Variants in LAMC1 observed in about 807,000 individuals in gnomAD.
The protein encoded by LAMC1 is laminin subunit gamma-1.
A neutral mutation model predicts 173.6 loss-of-function variants in LAMC1; 38 were observed. That is an observed-to-expected ratio of 0.22 (90% CI 0.17 to 0.29). The LOEUF (loss-of-function observed/expected upper bound fraction) is 0.29. Ranked by LOEUF, LAMC1 falls within the 10% of genes least tolerant of loss-of-function variation. LAMC1 has a pLI of 1.00. For synonymous variants in LAMC1, 746 were observed against 749.1 expected (o/e 1.00, Z 0.07); for missense variants, 1,824 against 2,051.8 (o/e 0.89, Z 2.14).
chr1:183,136,657 C>A, intron 25 of LAMC1, 72 bp downstream of exon 25: 1 of 1,261,854 alleles, frequency 7.9e-7, no homozygotes, highest in Non-Finnish European at 1.1e-6. Context: ...TCTTTCCAGA[C>A]CCTCAGAGCC....
chr1:183,045,980 A>G (rs1282259272), intron 1 of LAMC1, among the ~76,000 whole-genome samples: 1 of 151,990 alleles, frequency 6.6e-6, no homozygotes, highest in African/African-American at 2.4e-5. Flanking sequence ...AGAATTCTTC[A>G]TATATTCTTT....
chr1:183,095,286 C>T (rs1231111023), intron 1 of LAMC1, among the ~76,000 whole-genome samples: 1 of 152,100 alleles, frequency 6.6e-6, no homozygotes, highest in East Asian at 1.9e-4. Flanking sequence ...TATTACTATA[C>T]CACCGTGACT....
chr1:183,123,093 C>T (rs917905474), intron 13 of LAMC1, among the ~76,000 whole-genome samples: 1 of 152,218 alleles, frequency 6.6e-6, no homozygotes, highest in Non-Finnish European at 1.5e-5. Flanking sequence ...CCTTTTTCTT[C>T]GACCCTTTGT....
chr1:183,064,389 G>T (rs888081317), intron 1 of LAMC1, among the ~76,000 whole-genome samples: 2 of 152,116 alleles, frequency 1.3e-5, no homozygotes, highest in African/African-American at 4.8e-5. Context: ...ATTGAATACT[G>T]GAGGCCATTG....
intron 21 of LAMC1, 107 bp downstream of exon 21, chr1:183,132,644 G>C: frequency 2.5e-6 from 2 of 807,012 alleles, no homozygotes. Context: ...CATTCATGCA[G>C]TAAGATTTCC....
In LAMC1 at chr1:183,056,822, A is replaced by G. The variant is rs1571413139; in HGVS notation, c.418+32688A>G. On this transcript the variant is annotated intron_variant, in intron 1 of 27. Coordinates refer to ENST00000258341, the MANE Select transcript of LAMC1 (RefSeq NM_002293.4). ...CCACAATAAACACCAAAACCTGGAA[A>G]TAGGAGATTATGTATGCAGACTTGT... Among the ~76,000 whole-genome samples the G allele has an allele frequency of 1.3e-5, 2 of 152,340 alleles. 1 individual carries two copies. The highest frequency in any genetic ancestry group is 4.1e-4 in the South Asian group (2 of 4,822).
chr1:183,068,562 T>C (rs1645483104), intron 1 of LAMC1, among the ~76,000 whole-genome samples: 2 of 152,316 alleles, frequency 1.3e-5, no homozygotes, highest in East Asian at 1.9e-4. Flanking sequence ...GAAGTAGATA[T>C]CAAATTATTG....
chr1:183,086,755 T>C (rs1405712664), intron 1 of LAMC1, among the ~76,000 whole-genome samples: 1 of 152,226 alleles, frequency 6.6e-6, no homozygotes, highest in Non-Finnish European at 1.5e-5. Context: ...AAAAGCATTG[T>C]AGAGGGTCAG....
intron 1 of LAMC1, among the ~76,000 whole-genome samples, chr1:183,072,957 T>C (rs1460986866): frequency 6.6e-6 from 1 of 152,220 alleles, no homozygotes; most frequent in Non-Finnish European, 1.5e-5. Context: ...GATTCTACTT[T>C]ATGGTTAGTT....
At chr1:183,062,040 C>G (rs930396071) in intron 1 of LAMC1, among the ~76,000 whole-genome samples, 1 of 152,198 alleles carries the variant, frequency 6.6e-6, no homozygotes, top group Non-Finnish European at 1.5e-5. Context: ...TAACAGAATC[C>G]TTTATCCCAT....
At chr1:183,115,397 C>T (rs1656288312) in intron 5 of LAMC1, 123 bp from the exon 6 acceptor site, 1 of 697,956 alleles carries the variant, frequency 1.4e-6, no homozygotes, top group Admixed American at 2.3e-5. Flanking sequence ...TTGTGACCAT[C>T]AGGAGATTGC....
At chr1:183,065,532 A>G (rs1211538585) in intron 1 of LAMC1, among the ~76,000 whole-genome samples, 1 of 152,146 alleles carries the variant, frequency 6.6e-6, no homozygotes, top group Non-Finnish European at 1.5e-5. Flanking sequence ...GCCCACCCAT[A>G]TTATGGATTT....
rs987246931 is a variant in LAMC1 at position 183,127,156 on chromosome 1, T to C, written c.2945-70T>C. 8 of 1,427,950 alleles carry C rather than the reference T, an allele frequency of 5.6e-6. No individual in the cohort carries two copies. In the African/African-American group the frequency reaches 8.5e-5, roughly 15 times the overall value. The allele number at this position is 1,427,950 out of a possible 1,614,324, so 88.5% of individuals were successfully genotyped here. On this transcript the variant is annotated intron_variant, in intron 16 of 27. Coordinates refer to ENST00000258341, the MANE Select transcript of LAMC1 (RefSeq NM_002293.4). ...TCAGCTTATAGTCAGCTTATTGTTA[T>C]CAGTCTGAATTAAGAGATATACTCT...
At chr1:183,055,723 A>G (rs1301766421) in intron 1 of LAMC1, among the ~76,000 whole-genome samples, 2 of 152,126 alleles carry the variant, frequency 1.3e-5, no homozygotes, top group African/African-American at 4.8e-5. Context: ...GAGGCAGGAT[A>G]ATCGCTTGAA....
chr1:183,071,091 TG>T (rs1186986242), intron 1 of LAMC1, among the ~76,000 whole-genome samples: 4 of 149,720 alleles, frequency 2.7e-5, no homozygotes, highest in Admixed American at 6.6e-5. Flanking sequence ...TTTTTGTTTT[TG>T]TTTTTTTTTT....
intron 13 of LAMC1, among the ~76,000 whole-genome samples, chr1:183,123,012 CT>C (rs1656521902): frequency 2.0e-5 from 3 of 152,334 alleles, no homozygotes; most frequent in Admixed American, 2.0e-4. Context: ...CCATTTTCTG[CT>C]GTGATTTTGA....
At chr1:183,104,667 T>C (rs1655924053) in intron 2 of LAMC1, among the ~76,000 whole-genome samples, 1 of 152,226 alleles carries the variant, frequency 6.6e-6, no homozygotes, top group Admixed American at 6.5e-5. Context: ...TCAGGGACTC[T>C]CTTTCTAATT....
At chr1:183,141,199 C>T (rs978633246) in intron 27 of LAMC1, 1 of 152,154 alleles carries the variant, frequency 6.6e-6, no homozygotes, top group Non-Finnish European at 1.5e-5. Flanking sequence ...CGCCTGTAGT[C>T]CTAGCTACCC....
At chr1:183,076,252 A>G (rs961550391) in intron 1 of LAMC1, among the ~76,000 whole-genome samples, 56 of 152,154 alleles carry the variant, frequency 3.7e-4, no homozygotes, top group Admixed American at 2.8e-3. Context: ...CGTGCTTTCC[A>G]AGCTTTTTTT....
Sources: gnomAD v4.1 joint callset for allele counts (sites outside exome capture counted in the v4.1 genomes callset) on GRCh38, gnomAD v4.1.1 for gene constraint, MANE v1.5 for transcripts, NCBI Gene and HGNC (gene_info 2026-07-23, HGNC 2026-07-21) for gene names.